PRKAR1B: variants seen among roughly 807,000 people sequenced by gnomAD.
The protein encoded by PRKAR1B is cAMP-dependent protein kinase type I-beta regulatory subunit.
A neutral mutation model predicts 46.5 loss-of-function variants in PRKAR1B; 22 were observed. The observed-to-expected ratio is 0.47, with a 90% CI of 0.34 to 0.68. PRKAR1B has a LOEUF of 0.68. PRKAR1B is among the 30% of genes least tolerant of loss of function. PRKAR1B has a pLI of 0.01. For missense variants in PRKAR1B, 445 were observed against 535.6 expected, an observed-to-expected ratio of 0.83 and a Z score of 1.67; for synonymous variants, 259 against 217.7, an observed-to-expected ratio of 1.19 and a Z score of -1.67.
intron 9 of PRKAR1B, among the ~76,000 whole-genome samples, chr7:576,289 C>T (rs943155926): frequency 9.8e-5 from 15 of 152,314 alleles, no homozygotes; most frequent in Admixed American, 2.0e-4. Flanking sequence ...TCTCGGGGCC[C>T]GCCAGAGCCT....
At chr7:712,203 G>A (rs1427829171) in intron 1 of PRKAR1B, among the ~76,000 whole-genome samples, 1 of 149,898 alleles carries the variant, frequency 6.7e-6, no homozygotes, top group Non-Finnish European at 1.5e-5. Flanking sequence ...CGCCGGGAAG[G>A]CGCCCACCCA....
chr7:662,877 G>T (rs563232734), intron 4 of PRKAR1B, among the ~76,000 whole-genome samples: 1 of 152,112 alleles, frequency 6.6e-6, no homozygotes. Context: ...TCTCACCCTC[G>T]GAGCGGCCAC....
rs572091553 is a variant in PRKAR1B at position 665,232 on chromosome 7, C to T, written c.440+11997G>A. Among the ~76,000 whole-genome samples the T allele has an allele frequency of 1.7e-4, 26 of 152,202 alleles. No homozygotes were observed. The East Asian group carries it at 1.7e-3, about 10-fold the overall frequency. On this transcript the variant is annotated intron_variant, in intron 4 of 10. Coordinates refer to ENST00000537384, the MANE Select transcript of PRKAR1B (RefSeq NM_001164760.2). ...TCTTAAAAAGGTTGTTGTCTTTTCC[C>T]GGCAGGTTAATGAGCTGTGTGTGCA...
At chr7:588,297 GA>G (rs1405053806) in intron 7 of PRKAR1B, among the ~76,000 whole-genome samples, 1 of 152,222 alleles carries the variant, frequency 6.6e-6, no homozygotes, top group Non-Finnish European at 1.5e-5. Flanking sequence ...GTACAGGTTT[GA>G]ATGTGTCACC....
intron 4 of PRKAR1B, among the ~76,000 whole-genome samples, chr7:674,333 C>T (rs1358204672): frequency 2.0e-5 from 3 of 151,844 alleles, no homozygotes; most frequent in Non-Finnish European, 4.4e-5. Flanking sequence ...TTAGATACTC[C>T]AGCCATGCCC....
chr7:611,510 C>T (rs28500790), intron 4 of PRKAR1B, among the ~76,000 whole-genome samples: 83,139 of 152,080 alleles, frequency 0.55, 24,043 homozygotes, highest in South Asian at 0.8. Context: ...TGAAAGCCCC[C>T]GCCCACACCA....
At chr7:711,776 G>A (rs1479772621) in intron 1 of PRKAR1B, among the ~76,000 whole-genome samples, 4 of 152,142 alleles carry the variant, frequency 2.6e-5, no homozygotes, top group Admixed American at 2.0e-4. Context: ...GGGGGCTCAG[G>A]CAGACAGGGG....
At position 568,940 on chromosome 7, in the gene PRKAR1B, G is replaced by C. The variant is rs547285549; in HGVS notation, c.891+10316C>G. Among the ~76,000 whole-genome samples, 611 of 152,116 alleles carry C rather than the reference G, an allele frequency of 4.0e-3. 2 individuals carry two copies. The highest frequency in any genetic ancestry group is 0.01 in the Middle Eastern group (3 of 294). On this transcript the variant is annotated intron_variant, in intron 9 of 10. Transcript: ENST00000537384. ...TCTGCAATGGAAAGCCGGGGCCCGC[G>C]GGGGGTGGTTCGGTCTCTGGGAGGG...
At chr7:615,927 GAAGA>G (rs1182803223) in intron 4 of PRKAR1B, among the ~76,000 whole-genome samples, 2 of 150,246 alleles carry the variant, frequency 1.3e-5, no homozygotes, top group African/African-American at 2.5e-5. Context: ...AGAAAAAAAG[GAAGA>G]AAGAGGCAGA....
At chr7:563,749 G>A (rs957959259) in intron 9 of PRKAR1B, among the ~76,000 whole-genome samples, 9 of 151,868 alleles carry the variant, frequency 5.9e-5, no homozygotes, top group Admixed American at 1.3e-4. Context: ...GTGTATGTAC[G>A]TGTGTGTGCT....
chr7:618,383 T>C (rs1055768129), intron 4 of PRKAR1B, among the ~76,000 whole-genome samples: 2 of 152,234 alleles, frequency 1.3e-5, no homozygotes, highest in African/African-American at 4.8e-5. Flanking sequence ...TATACATTTA[T>C]TCCTCTCTTC....
intron 4 of PRKAR1B, among the ~76,000 whole-genome samples, chr7:635,752 C>T (rs189559129): frequency 3.4e-4 from 51 of 152,214 alleles, no homozygotes; most frequent in African/African-American, 1.2e-3. Context: ...TTTTCTGGAG[C>T]TCAGTGCAAA....
At chr7:606,535 T>C (rs2128464416) in intron 5 of PRKAR1B, among the ~76,000 whole-genome samples, 1 of 152,270 alleles carries the variant, frequency 6.6e-6, no homozygotes, top group South Asian at 2.1e-4. Context: ...AACCTCCACC[T>C]CCCAGGTTCA....
chr7:705,008 AGGGCC>A (rs1427914941), intron 2 of PRKAR1B, among the ~76,000 whole-genome samples: 4 of 151,986 alleles, frequency 2.6e-5, no homozygotes, highest in Admixed American at 2.0e-4. Flanking sequence ...AAACCACTTT[AGGGCC>A]GGGCGCAGTG....
At chr7:585,319 C>G (rs1218571112) in intron 7 of PRKAR1B, among the ~76,000 whole-genome samples, 1 of 152,180 alleles carries the variant, frequency 6.6e-6, no homozygotes, top group Non-Finnish European at 1.5e-5. Context: ...CTCAGCCCCT[C>G]TCAACCCTCT....
chr7:607,597 T>C (rs112862203), intron 4 of PRKAR1B, 145 bp from the exon 5 acceptor site: 24,113 of 761,040 alleles, frequency 0.032, 1,594 homozygotes, highest in African/African-American at 0.22. Flanking sequence ...AAGAAGAAAA[T>C]TGAAATCCTT....
chr7:660,572 C>T (rs1332005496), intron 4 of PRKAR1B, among the ~76,000 whole-genome samples: 5 of 109,828 alleles, frequency 4.6e-5, no homozygotes, highest in South Asian at 4.3e-4. Context: ...ACTCTCCCCC[C>T]CATGGCACAG....
chr7:615,113 G>A (rs1218171293), intron 4 of PRKAR1B, among the ~76,000 whole-genome samples: 1 of 151,538 alleles, frequency 6.6e-6, no homozygotes, highest in African/African-American at 2.4e-5. Flanking sequence ...GAGGCAGAAA[G>A]AAAGAGTGAG....
chr7:712,164 C>A (rs1280300321), intron 1 of PRKAR1B, among the ~76,000 whole-genome samples: 1 of 150,536 alleles, frequency 6.6e-6, no homozygotes, highest in East Asian at 2.0e-4. Flanking sequence ...CCCCAGCCCC[C>A]CGCCACGCCG....
Sources: gnomAD v4.1 joint callset for allele counts (sites outside exome capture counted in the v4.1 genomes callset) on GRCh38, gnomAD v4.1.1 for gene constraint, MANE v1.5 for transcripts, NCBI Gene and HGNC (gene_info 2026-07-23, HGNC 2026-07-21) for gene names.